COPG1: variants seen among roughly 807,000 people sequenced by gnomAD.
COPG1 encodes coat protein complex I subunit gamma 1.
COPG1 carries 29 observed loss-of-function variants against 102.8 expected under a neutral mutation model. The observed-to-expected ratio is 0.28, with a 90% CI of 0.21 to 0.38. The LOEUF (loss-of-function observed/expected upper bound fraction) is 0.38, where lower values mean the gene tolerates loss of function less well. Among genes scored for constraint, COPG1 ranks in the 10% least tolerant of loss-of-function variants. The probability of loss-of-function intolerance (pLI) is 1.00; values close to 1 mark genes in which losing one functional copy is unlikely to be tolerated. For synonymous variants in COPG1, 406 were observed against 421.6 expected, an observed-to-expected ratio of 0.96 and a Z score of 0.45; for missense variants, 875 against 1,132.7, an observed-to-expected ratio of 0.77 and a Z score of 3.27.
rs749177061 is a variant in COPG1, at chr3:129,249,640, T to C, written c.-70T>C. On this transcript the variant is annotated 5_prime_UTR_variant, in exon 1 of 24. Coordinates refer to ENST00000314797, the MANE Select transcript of COPG1 (RefSeq NM_016128.4). ...CCGGAAGTGGTCCCTGTAGAACCAC[T>C]GTGGCACCGCTACTCCGTGCCGCGC... The C allele has an allele frequency of 2.6e-6, 4 of 1,529,798 alleles. No individual in the cohort carries two copies. The highest frequency in any genetic ancestry group is 2.2e-4 in the Middle Eastern group (1 of 4,582). The allele number at this position is 1,529,798 out of a possible 1,614,324, so 94.8% of individuals were successfully genotyped here.
In COPG1 at chr3:129,252,899, C is replaced by T. The variant is rs752872260; in HGVS notation, c.267C>T (p.Tyr89=). Residue 89 remains tyrosine (Y), a synonymous_variant, in exon 5 of 24, where the codon TAC becomes TAT. Coordinates refer to ENST00000314797, the MANE Select transcript of COPG1 (RefSeq NM_016128.4). The part of the protein sequence containing the change: ...SNDPTLRRMC[Y]LTIKEMSCIA... ...AGCCCACACTCCGTCGGATGTGCTACTTGACCATCAAGGAGATGTCTTGCA... is the reference window on the plus strand; with the variant it reads ...AGCCCACACTCCGTCGGATGTGCTATTTGACCATCAAGGAGATGTCTTGCA... The T allele has an allele frequency of 6.2e-7, 1 of 1,614,184 alleles. No homozygotes were observed. Among genetic ancestry groups the T allele is most frequent in the Non-Finnish European group, 8.5e-7 (1 of 1,180,010 alleles).
At position 129,260,635 on chromosome 3, in the gene COPG1, C is replaced by T. The variant is rs771946058; in HGVS notation, c.956C>T (p.Pro319Leu). ...CCAAAACAGGTTGCCATGAAGCATCCGTCAGCTGTGACAGCTTGTAATCTG... is the reference window on the plus strand; with the variant it reads ...CCAAAACAGGTTGCCATGAAGCATCTGTCAGCTGTGACAGCTTGTAATCTG... Reference protein sequence around the residue: ...RTLNKVAMKHPSAVTACNLDL... With the variant: ...RTLNKVAMKHLSAVTACNLDL... The change falls in exon 12 of 24, where the codon CCG becomes CTG. Residue 319 changes from proline to leucine, a missense_variant. By Grantham distance (98) the Pro-to-Leu change is moderately conservative. Transcript: ENST00000314797. 1.4e-5 allele frequency: 22 copies of T among 1,613,994 alleles called. No individual in the cohort carries two copies. The Admixed American group carries it at 2.2e-4, about 16-fold the overall frequency.
intron 2 of COPG1, 80 bp from the exon 3 acceptor site, chr3:129,252,201 T>A: frequency 9.8e-7 from 1 of 1,020,838 alleles, no homozygotes. Flanking sequence ...CAGTTTACCC[T>A]GAGACTTCTC....
intron 12 of COPG1, among the ~76,000 whole-genome samples, chr3:129,262,253 ATTT>A (rs11286295): frequency 6.4e-5 from 8 of 124,908 alleles, no homozygotes; most frequent in Admixed American, 1.7e-4. Context: ...ATCTCTACAA[ATTT>A]TTTTTTTTTT....
chr3:129,263,034 A>G (rs1939957371), intron 12 of COPG1, among the ~76,000 whole-genome samples: 1 of 144,442 alleles, frequency 6.9e-6, no homozygotes, highest in Non-Finnish European at 1.5e-5. Flanking sequence ...AAAAAAAAAA[A>G]AGAGTCCTTC....
At chr3:129,251,359 T>TAC (rs1939693234) in intron 2 of COPG1, among the ~76,000 whole-genome samples, 1 of 134,208 alleles carries the variant, frequency 7.5e-6, no homozygotes, top group Non-Finnish European at 1.5e-5. Flanking sequence ...TTATTTTTAT[T>TAC]ATATATATTT....
chr3:129,263,036 G>A (rs60567895), intron 12 of COPG1, among the ~76,000 whole-genome samples: 8,589 of 114,842 alleles, frequency 0.075, 1,076 homozygotes, highest in African/African-American at 0.3. Context: ...AAAAAAAAAA[G>A]AGTCCTTCTG....
At position 129,257,712 on chromosome 3, in the gene COPG1, T is replaced by A. The variant is rs746662896; in HGVS notation, c.738-15T>A. ...CACCCCCAACGTTTTCTTGCCACCCTATGTTCTTTTGTAGCCGTGACAGCC... is the reference window on the plus strand; with the variant it reads ...CACCCCCAACGTTTTCTTGCCACCCAATGTTCTTTTGTAGCCGTGACAGCC... On this transcript the variant is annotated splice_polypyrimidine_tract_variant and intron_variant, in intron 9 of 23. Coordinates refer to ENST00000314797, the MANE Select transcript of COPG1 (RefSeq NM_016128.4). 5.8e-5 allele frequency: 93 copies of A among 1,613,742 alleles called. No individual in the cohort carries two copies. Among genetic ancestry groups the A allele is most frequent in the Non-Finnish European group, 7.5e-5 (88 of 1,179,646 alleles).
intron 2 of COPG1, 100 bp downstream of exon 2, chr3:129,250,834 C>T (rs908862475): frequency 2.9e-5 from 31 of 1,077,788 alleles, no homozygotes; most frequent in African/African-American, 4.7e-5. Flanking sequence ...AAGAGCAACA[C>T]GGGAGAAAAC....
Position 129,271,462 on chromosome 3 carries a change from C to T in COPG1, c.1844-305C>T, listed in dbSNP as rs1394800517. On this transcript the variant is annotated intron_variant, in intron 18 of 23. Coordinates refer to ENST00000314797, the MANE Select transcript of COPG1 (RefSeq NM_016128.4). This position sits in a 1 kb window ranked among gnomAD's most constrained non-coding sequence, Gnocchi z 4.7. ...GGAAATCCTTGCTAAGCTTCTATAG[C>T]TGGGGGATTCTCCAATTAGGTCTAG... Among the ~76,000 whole-genome samples the T allele has an allele frequency of 1.3e-5, 2 of 152,150 alleles. No individual in the cohort carries two copies. Among genetic ancestry groups the T allele is most frequent in the African/African-American group, 4.8e-5 (2 of 41,424 alleles).
chr3:129,262,500 G>A (rs921897070), intron 12 of COPG1, among the ~76,000 whole-genome samples: 3 of 151,896 alleles, frequency 2.0e-5, no homozygotes, highest in Non-Finnish European at 4.4e-5. Context: ...TGATCAACCC[G>A]CCTTGGCCTC....
chr3:129,260,158 C>T (rs927424749), intron 10 of COPG1, 175 bp from the exon 11 acceptor site: 2 of 639,038 alleles, frequency 3.1e-6, no homozygotes, highest in Non-Finnish European at 5.6e-6. Context: ...ACATTATGGC[C>T]TCTGTCCATG....
intron 10 of COPG1, among the ~76,000 whole-genome samples, chr3:129,258,561 G>A (rs1402232731): frequency 2.0e-5 from 3 of 152,158 alleles, no homozygotes; most frequent in African/African-American, 7.2e-5. Flanking sequence ...AGGTTCAAGC[G>A]ATTCTCCTGC....
chr3:129,271,901 G>A lies in COPG1; in HGVS notation c.1978G>A (p.Val660Ile). The stretch of plus-strand genomic sequence containing the variant: ...CAAACACACCTTCACCAACCACATG[G>A]TTTTTCAGGTGAGCAAGGTGGGCTG... Reference protein sequence around the residue: ...CTKHTFTNHMVFQFDCTNTLN... With the variant: ...CTKHTFTNHMIFQFDCTNTLN... Residue 660 changes from valine to isoleucine, a missense_variant, in exon 19 of 24, where the codon GTT becomes ATT. Transcript: ENST00000314797. This position sits in a 1 kb window ranked among gnomAD's most constrained non-coding sequence, Gnocchi z 4.7. The A allele has an allele frequency of 6.2e-7, 1 of 1,614,016 alleles. No individual in the cohort carries two copies. Among genetic ancestry groups the A allele is most frequent in the Non-Finnish European group, 8.5e-7 (1 of 1,179,970 alleles).
At chr3:129,259,134 GGA>G (rs2107674781) in intron 10 of COPG1, among the ~76,000 whole-genome samples, 1 of 152,248 alleles carries the variant, frequency 6.6e-6, no homozygotes, top group Non-Finnish European at 1.5e-5. Context: ...GTTCATGTTT[GGA>G]GAGAGAAGTC....
intron 16 of COPG1, 112 bp from the exon 17 acceptor site, chr3:129,268,383 C>A: frequency 9.5e-7 from 1 of 1,054,860 alleles, no homozygotes; most frequent in Non-Finnish European, 1.4e-6. Flanking sequence ...GTGATTTTCT[C>A]AGGGTCATAC....
chr3:129,273,241 C>T (rs866957049), intron 21 of COPG1, among the ~76,000 whole-genome samples: 20 of 152,146 alleles, frequency 1.3e-4, no homozygotes, highest in Non-Finnish European at 4.4e-5. Flanking sequence ...CTAGGCTGGT[C>T]GCGATCTCCT....
chr3:129,263,037 A>G (rs6770334), intron 12 of COPG1, among the ~76,000 whole-genome samples: 4 of 130,868 alleles, frequency 3.1e-5, no homozygotes, highest in Admixed American at 1.5e-4. Flanking sequence ...AAAAAAAAAG[A>G]GTCCTTCTGG....
At chr3:129,270,441 T>G (rs1940162185) in intron 18 of COPG1, among the ~76,000 whole-genome samples, 1 of 152,308 alleles carries the variant, frequency 6.6e-6, no homozygotes, top group South Asian at 2.1e-4. Context: ...GTTTTATTGA[T>G]GAAGAGTCTG....
Sources: allele counts gnomAD v4.1 joint callset (sites outside exome capture counted in the v4.1 genomes callset), GRCh38; gene constraint gnomAD v4.1.1; non-coding constraint Gnocchi (gnomAD v3.1); transcripts MANE v1.5; gene names NCBI Gene and HGNC (gene_info 2026-07-23, HGNC 2026-07-21).